PPP6C: variants seen among roughly 807,000 people sequenced by gnomAD.
PPP6C encodes the protein serine/threonine-protein phosphatase 6 catalytic subunit.
PPP6C carries 11 observed loss-of-function variants against 39.8 expected under a neutral mutation model. That is an observed-to-expected ratio of 0.28 (90% CI 0.17 to 0.46). PPP6C has a LOEUF of 0.46. Ranked by LOEUF, PPP6C falls within the 20% of genes least tolerant of loss-of-function variation. The pLI, the probability that PPP6C is intolerant of heterozygous loss-of-function variation, is 1.00. For synonymous variants in PPP6C, 129 were observed against 130.3 expected (o/e 0.99, Z 0.07); for missense variants, 211 against 373.9 (o/e 0.56, Z 3.59).
intron 3 of PPP6C, 44 bp downstream of exon 3, chr9:125,160,797 T>C (rs760998845): frequency 1.5e-6 from 2 of 1,347,476 alleles, no homozygotes; most frequent in Non-Finnish European, 2.0e-6. Context: ...AGTCAGATCC[T>C]TTCCATTTTA....
chr9:125,163,565 G>A (rs1828937599), intron 2 of PPP6C, among the ~76,000 whole-genome samples: 1 of 149,446 alleles, frequency 6.7e-6, no homozygotes, highest in Non-Finnish European at 1.5e-5. Context: ...CGAGTAGCTG[G>A]GATTACAGGC....
At chr9:125,180,877 T>C (rs1829407451) in intron 1 of PPP6C, among the ~76,000 whole-genome samples, 1 of 152,198 alleles carries the variant, frequency 6.6e-6, no homozygotes, top group Non-Finnish European at 1.5e-5. Context: ...AGAACATCGC[T>C]GTGAAACTCT....
chr9:125,156,050 TATC>T (rs1836064146), intron 4 of PPP6C, among the ~76,000 whole-genome samples: 1 of 152,164 alleles, frequency 6.6e-6, no homozygotes, highest in Non-Finnish European at 1.5e-5. Context: ...ACTGAGCTAA[TATC>T]ATAGTATGTT....
intron 2 of PPP6C, among the ~76,000 whole-genome samples, chr9:125,166,919 A>G (rs1829028293): frequency 6.7e-6 from 1 of 148,822 alleles, no homozygotes; most frequent in Non-Finnish European, 1.5e-5. Flanking sequence ...TTTTCTTTTT[A>G]GATGGGGTCT....
At chr9:125,168,015 T>C (rs1468628118) in intron 2 of PPP6C, among the ~76,000 whole-genome samples, 1 of 152,172 alleles carries the variant, frequency 6.6e-6, no homozygotes, top group Non-Finnish European at 1.5e-5. Flanking sequence ...GGCATTTTAT[T>C]TTACTGTGCA....
chr9:125,189,520 C>G, intron 1 of PPP6C, 124 bp downstream of exon 1: 1 of 1,497,580 alleles, frequency 6.7e-7, no homozygotes, highest in South Asian at 1.3e-5. Context: ...ACCGGGTCGA[C>G]TGGCAATGGG....
chr9:125,181,614 C>T (rs1366783640), intron 1 of PPP6C, among the ~76,000 whole-genome samples: 1 of 152,132 alleles, frequency 6.6e-6, no homozygotes, highest in African/African-American at 2.4e-5. Flanking sequence ...TGTTAGTTTG[C>T]TGAGAATGAT....
In PPP6C at chr9:125,147,920, A is replaced by T. The variant is rs1034260116; in HGVS notation, c.*1753T>A. On this transcript the variant is annotated 3_prime_UTR_variant, in exon 7 of 7. Transcript: ENST00000373547. Reference sequence around the variant, plus strand: ...ACATAGCTACATATCCCTGTGAGATAAAAATACCTTTCCACCTGAATTACA... The same window carrying T: ...ACATAGCTACATATCCCTGTGAGATTAAAATACCTTTCCACCTGAATTACA... 2 of 186,214 alleles carry T rather than the reference A, an allele frequency of 1.1e-5. No individual in the cohort carries two copies. The highest frequency in any genetic ancestry group is 4.8e-5 in the African/African-American group (2 of 41,590). The allele number at this position is 186,214 out of a possible 1,614,324, so 11.5% of individuals were successfully genotyped here. A position where few individuals can be genotyped will look rare whatever the true frequency, so the allele number is the denominator to read the frequency against.
At chr9:125,163,684 C>A (rs558978808) in intron 2 of PPP6C, among the ~76,000 whole-genome samples, 63 of 151,848 alleles carry the variant, frequency 4.1e-4, no homozygotes, top group Non-Finnish European at 8.7e-4. Flanking sequence ...CCGCCTCGGC[C>A]TCTCAAAGTG....
chr9:125,188,942 G>A, intron 1 of PPP6C: 1 of 1,548,444 alleles, frequency 6.5e-7, no homozygotes. Context: ...CGAAGAAAAT[G>A]AAATACTGAG....
chr9:125,167,411 AAG>A (rs1829045631), intron 2 of PPP6C, among the ~76,000 whole-genome samples: 2 of 146,896 alleles, frequency 1.4e-5, no homozygotes, highest in African/African-American at 5.1e-5. Context: ...AAATAAAAAA[AAG>A]GCCGGGCATG....
At chr9:125,155,585 A>G (rs752016856) in intron 4 of PPP6C, among the ~76,000 whole-genome samples, 2 of 152,200 alleles carry the variant, frequency 1.3e-5, no homozygotes, top group Non-Finnish European at 2.9e-5. Context: ...AAGTCCTATA[A>G]TAACTAAAAT....
intron 6 of PPP6C, among the ~76,000 whole-genome samples, chr9:125,152,167 A>C (rs1835964966): frequency 6.6e-6 from 1 of 152,062 alleles, no homozygotes; most frequent in Non-Finnish European, 1.5e-5. Flanking sequence ...GTTTCTTGGG[A>C]GGAAGAAGCC....
At chr9:125,153,003 T>G (rs974279767) in intron 6 of PPP6C, among the ~76,000 whole-genome samples, 14 of 151,730 alleles carry the variant, frequency 9.2e-5, no homozygotes, top group Admixed American at 9.2e-4. Flanking sequence ...CCGGGTGCGG[T>G]GGCTCACACC....
At chr9:125,158,160 C>T in intron 4 of PPP6C, 81 bp downstream of exon 4, 4 of 1,338,800 alleles carry the variant, frequency 3.0e-6, no homozygotes, top group Non-Finnish European at 4.2e-6. Flanking sequence ...ATACATAAAG[C>T]ATGTGTATGA....
intron 1 of PPP6C, chr9:125,171,865 T>A (rs1399510994): frequency 2.2e-6 from 1 of 458,252 alleles, no homozygotes; most frequent in Non-Finnish European, 4.4e-6. Context: ...GTAAAAGATT[T>A]TTATCTGGTA....
At chr9:125,163,339 TA>T (rs1291601373) in intron 2 of PPP6C, among the ~76,000 whole-genome samples, 1 of 152,216 alleles carries the variant, frequency 6.6e-6, no homozygotes, top group African/African-American at 2.4e-5. Context: ...AAGTGAACAT[TA>T]AAAAGTTTTG....
intron 2 of PPP6C, among the ~76,000 whole-genome samples, chr9:125,165,240 A>T (rs1828986676): frequency 6.6e-6 from 1 of 152,146 alleles, no homozygotes. Flanking sequence ...ATTTTTAAAA[A>T]TTAATAACAT....
intron 1 of PPP6C, among the ~76,000 whole-genome samples, chr9:125,185,864 A>G (rs1829518755): frequency 6.6e-6 from 1 of 151,640 alleles, no homozygotes. Flanking sequence ...CATGCCTGTA[A>G]TCACAGCTAC....
Sources: allele counts gnomAD v4.1 joint callset (sites outside exome capture counted in the v4.1 genomes callset), GRCh38; gene constraint gnomAD v4.1.1; transcripts MANE v1.5; gene names NCBI Gene and HGNC (gene_info 2026-07-23, HGNC 2026-07-21).